Variants in HSD17B12 observed in about 807,000 individuals in gnomAD.
HSD17B12 encodes hydroxysteroid 17-beta dehydrogenase 12, also known as very-long-chain 3-oxoacyl-CoA reductase.
Under a neutral mutation model 39.3 loss-of-function variants are expected in HSD17B12, and 32 were observed. That is an observed-to-expected ratio of 0.81 (90% CI 0.61 to 1.09). The LOEUF (loss-of-function observed/expected upper bound fraction) is 1.09. Ranked by LOEUF, HSD17B12 falls within the 50% of genes least tolerant of loss-of-function variation. The probability of loss-of-function intolerance (pLI) is 0.00; values close to 1 mark genes in which losing one functional copy is unlikely to be tolerated. For missense variants in HSD17B12, 342 were observed against 382.9 expected (o/e 0.89, Z 0.89); for synonymous variants, 150 against 146.7 (o/e 1.02, Z -0.16).
intron 1 of HSD17B12, 131 bp from the exon 2 acceptor site, chr11:43,750,780 C>T (rs191028350): frequency 5.7e-5 from 30 of 526,706 alleles, no homozygotes; most frequent in Middle Eastern, 4.7e-4. Flanking sequence ...AGATTTGAAC[C>T]GCTGGTATTG....
the HSD17B12 span, among the ~76,000 whole-genome samples, chr11:43,628,340 C>T: frequency 6.6e-6 from 1 of 151,992 alleles, no homozygotes; most frequent in East Asian, 1.9e-4. Flanking sequence ...GTCAAGCATT[C>T]ACATGAGCAA....
the HSD17B12 span, among the ~76,000 whole-genome samples, chr11:43,583,872 G>C: frequency 1.3e-5 from 2 of 152,150 alleles, no homozygotes; most frequent in Non-Finnish European, 2.9e-5. Context: ...CCTTCCGGGG[G>C]TGTGAGAAGT....
In HSD17B12 at chr11:43,730,850, A is replaced by T. The variant is rs187835885; in HGVS notation, c.161-20061A>T. Among the ~76,000 whole-genome samples the T allele has an allele frequency of 1.8e-3, 277 of 152,296 alleles. 2 individuals are homozygous for T. Among genetic ancestry groups the T allele is most frequent in the African/African-American group, 6.4e-3 (264 of 41,558 alleles). ...TGGCCCAAACATAGGACTTTATTGT[A>T]GTGTTAGTGTGATAAGCATGGTGGC... is the stretch of plus-strand genomic sequence containing the variant. On this transcript the variant is annotated intron_variant, in intron 1 of 10. Coordinates refer to ENST00000278353, the MANE Select transcript of HSD17B12 (RefSeq NM_016142.3).
the HSD17B12 span, among the ~76,000 whole-genome samples, chr11:43,582,241 T>A: frequency 6.6e-6 from 1 of 152,048 alleles, no homozygotes; most frequent in Admixed American, 6.5e-5. Context: ...AGAGATGCGG[T>A]TGTGCCCGAC....
At chr11:43,631,782 G>T in the HSD17B12 span, among the ~76,000 whole-genome samples, 1 of 152,104 alleles carries the variant, frequency 6.6e-6, no homozygotes, top group East Asian at 1.9e-4. Flanking sequence ...ATTGCAATGG[G>T]CTATGGATTC....
At chr11:43,751,883 T>C (rs1039176163) in intron 2 of HSD17B12, among the ~76,000 whole-genome samples, 1 of 152,160 alleles carries the variant, frequency 6.6e-6, no homozygotes, top group Non-Finnish European at 1.5e-5. Context: ...ACAACCCCAA[T>C]ACATTGGTCA....
intron 9 of HSD17B12, among the ~76,000 whole-genome samples, chr11:43,850,128 C>T (rs544350741): frequency 1.1e-3 from 173 of 152,230 alleles, no homozygotes; most frequent in African/African-American, 4.0e-3. Flanking sequence ...GATCTCTGCA[C>T]CAGCAGAACA....
chr11:43,738,912 A>T (rs935980724), intron 1 of HSD17B12, among the ~76,000 whole-genome samples: 2 of 152,226 alleles, frequency 1.3e-5, no homozygotes, highest in Non-Finnish European at 2.9e-5. Context: ...AAAAGAAAAA[A>T]ACTAGAGGTT....
the HSD17B12 span, among the ~76,000 whole-genome samples, chr11:43,661,645 CT>C: frequency 6.6e-6 from 1 of 151,880 alleles, no homozygotes; most frequent in Non-Finnish European, 1.5e-5. Context: ...AGACCCCATT[CT>C]CCACAAAAAA....
chr11:43,733,821 T>C (rs1296713783), intron 1 of HSD17B12: 1 of 699,514 alleles, frequency 1.4e-6, no homozygotes, highest in Non-Finnish European at 2.6e-6. Context: ...TTGCAGGAGG[T>C]GTGGTAAACT....
the HSD17B12 span, among the ~76,000 whole-genome samples, chr11:43,651,310 G>A: frequency 1.3e-5 from 2 of 152,188 alleles, no homozygotes; most frequent in African/African-American, 4.8e-5. Flanking sequence ...TACTTTCTGT[G>A]CTGGAGGTCA....
the HSD17B12 span, among the ~76,000 whole-genome samples, chr11:43,638,252 G>C: frequency 1.3e-5 from 2 of 152,218 alleles, no homozygotes; most frequent in Non-Finnish European, 2.9e-5. Flanking sequence ...TATGAGAATA[G>C]AGTTTGGTGA....
At position 43,730,489 on chromosome 11, in the gene HSD17B12, T is replaced by C. The variant is rs182783638; in HGVS notation, c.161-20422T>C. Among the ~76,000 whole-genome samples the C allele has an allele frequency of 2.0e-5, 3 of 152,342 alleles. No individual in the cohort carries two copies. In the East Asian group the frequency reaches 5.8e-4, roughly 29 times the overall value. On this transcript the variant is annotated intron_variant, in intron 1 of 10. Transcript: ENST00000278353. Reference sequence around the variant, plus strand: ...ATAACAAGAAGGAATTGTGTTGAGCTTCCATGGTTTTGACTTCTCAGGGAT... The same window carrying C: ...ATAACAAGAAGGAATTGTGTTGAGCCTCCATGGTTTTGACTTCTCAGGGAT...
chr11:43,650,298 A>G, the HSD17B12 span, among the ~76,000 whole-genome samples: 3 of 152,234 alleles, frequency 2.0e-5, no homozygotes, highest in Non-Finnish European at 2.9e-5. Flanking sequence ...GCCCTAATAG[A>G]AAAATGCCAA....
chr11:43,572,621 A>G, the HSD17B12 span, among the ~76,000 whole-genome samples: 1 of 152,140 alleles, frequency 6.6e-6, no homozygotes, highest in African/African-American at 2.4e-5. Flanking sequence ...AAAAATAATA[A>G]CTGTTTTGGG....
chr11:43,814,558 T>C (rs1590322506), intron 4 of HSD17B12, among the ~76,000 whole-genome samples: 1 of 152,344 alleles, frequency 6.6e-6, no homozygotes, highest in Non-Finnish European at 1.5e-5. Flanking sequence ...TAAAATCTTA[T>C]ATCTAAATAT....
chr11:43,654,047 T>C, the HSD17B12 span, among the ~76,000 whole-genome samples: 27,496 of 151,530 alleles, frequency 0.18, 2,989 homozygotes, highest in Middle Eastern at 0.27. Context: ...CACATCCTCT[T>C]CAGCACCTGT....
At chr11:43,616,710 A>G in the HSD17B12 span, among the ~76,000 whole-genome samples, 2 of 151,106 alleles carry the variant, frequency 1.3e-5, no homozygotes, top group Admixed American at 1.3e-4. Context: ...CTGCATCCAA[A>G]AAATCCCCAC....
chr11:43,708,975 C>T (rs1438923968), intron 1 of HSD17B12, among the ~76,000 whole-genome samples: 2 of 152,132 alleles, frequency 1.3e-5, no homozygotes, highest in African/African-American at 4.8e-5. Context: ...GCTAACTGTG[C>T]CCTCCAGTGG....
Sources: gnomAD v4.1 joint callset for allele counts (sites outside exome capture counted in the v4.1 genomes callset) on GRCh38, gnomAD v4.1.1 for gene constraint, MANE v1.5 for transcripts, NCBI Gene and HGNC (gene_info 2026-07-23, HGNC 2026-07-21) for gene names.